Variants in IDS observed in about 807,000 individuals in gnomAD.
IDS encodes the protein iduronate 2-sulfatase.
IDS carries 1 observed loss-of-function variant against 33.5 expected under a neutral mutation model. That is an observed-to-expected ratio of 0.03 (90% CI 0.01 to 0.14). The LOEUF (loss-of-function observed/expected upper bound fraction) is 0.14, where lower values mean the gene tolerates loss of function less well. Ranked by LOEUF, IDS falls within the 10% of genes least tolerant of loss-of-function variation. The pLI, the probability that IDS is intolerant of heterozygous loss-of-function variation, is 1.00. For synonymous variants in IDS, 191 were observed against 184.4 expected (o/e 1.04, Z -0.29); for missense variants, 328 against 448.0 (o/e 0.73, Z 2.42).
chrX:149,484,481 C>G (rs1179496053), intron 8 of IDS, among the ~76,000 whole-genome samples: 13 of 112,140 alleles, frequency 1.2e-4, no homozygotes, highest in African/African-American at 4.2e-4. Context: ...ACCGCCACAC[C>G]CAGCTAATTT....
At chrX:149,494,220 G>C (rs1366898269) in intron 6 of IDS, among the ~76,000 whole-genome samples, 1 of 111,840 alleles carries the variant, frequency 8.9e-6, no homozygotes, top group African/African-American at 3.3e-5. Context: ...AAGGATAAAT[G>C]GACAAGTATG....
chrX:149,502,791 G>C (rs907963366), intron 3 of IDS: 1 of 165,937 alleles, frequency 6.0e-6, no homozygotes, highest in South Asian at 1.4e-4. Context: ...AGGAATGTCC[G>C]TCTCTGGGAC....
At position 149,505,229 on chromosome X, in the gene IDS, T is replaced by C; in HGVS notation, c.-92A>G. The stretch of plus-strand genomic sequence containing the variant: ...CGCCGCCGCAGCCACAGAGACCTCC[T>C]CGTCGGGAACCCATGAAGACTGCGC... On this transcript the variant is annotated 5_prime_UTR_variant, in exon 1 of 9. Coordinates refer to ENST00000340855, the MANE Select transcript of IDS (RefSeq NM_000202.8). 1 of 620,902 alleles carries C rather than the reference T, an allele frequency of 1.6e-6. No homozygotes were observed. Among genetic ancestry groups the C allele is most frequent in the Non-Finnish European group, 2.4e-6 (1 of 409,592 alleles). 51.2% of individuals were successfully genotyped at this position (620,902 alleles called of 1,213,427 possible). A position where few individuals can be genotyped will look rare whatever the true frequency, so the allele number is the denominator to read the frequency against.
chrX:149,483,012 A>G lies in IDS; in HGVS notation c.1387T>C (p.Tyr463His), dbSNP rs1365886210. ...LPGNPRELIA[Y>H]SQYPRPSDIP... ...TCTGAAGGCCGGGGATACTGGCTAT[A>G]GGCAATCAGTTCACGGGGATTACCA... The change falls in exon 9 of 9, where the codon TAT becomes CAT. Residue 463 changes from tyrosine (Y) to histidine (H), a missense_variant. By Grantham distance (83) the Tyr-to-His change is moderately conservative. This residue lies in a region of IDS where 265 missense variants were observed against 339.2 expected (regional missense o/e 0.78). Coordinates refer to ENST00000340855, the MANE Select transcript of IDS (RefSeq NM_000202.8). 8.3e-7 allele frequency: 1 copy of G among 1,210,397 alleles called. No individual in the cohort carries two copies. Among genetic ancestry groups the G allele is most frequent in the Non-Finnish European group, 1.1e-6 (1 of 894,197 alleles).
rs1352041987 is a variant in IDS, at chrX:149,505,087, C to G, written c.51G>C (p.Leu17=). ...ATCCGAGGGCGACGCAGACGGAGCT[C>G]AGAACCAGACCCAGCCAGAGAAGGC... ...GRGLLWLGLV[L]SSVCVALGSE... Residue 17 remains leucine (L), a synonymous_variant, in exon 1 of 9, where the codon CTG becomes CTC. Coordinates refer to ENST00000340855, the MANE Select transcript of IDS (RefSeq NM_000202.8). 2.3e-5 allele frequency: 28 copies of G among 1,204,479 alleles called. No individual in the cohort carries two copies. Among genetic ancestry groups the G allele is most frequent in the Non-Finnish European group, 3.0e-5 (27 of 891,314 alleles).
At position 149,486,915 on chromosome X, in the gene IDS, T is replaced by C. The variant is rs1173314448; in HGVS notation, c.1180+10A>G. ...ACTGTCAAGCAATATCATTTCAGCA[T>C]ATTTTATACCTGGCTCCATCAACTG... On this transcript the variant is annotated intron_variant, in intron 8 of 8. Transcript: ENST00000340855. The C allele has an allele frequency of 5.8e-6, 7 of 1,207,479 alleles. No individual in the cohort carries two copies. Among genetic ancestry groups the C allele is most frequent in the Non-Finnish European group, 7.8e-6 (7 of 892,482 alleles).
At position 149,486,914 on chromosome X, in the gene IDS, A is replaced by C; in HGVS notation, c.1180+11T>G. The C allele has an allele frequency of 8.3e-7, 1 of 1,208,627 alleles. No individual in the cohort carries two copies. The highest frequency in any genetic ancestry group is 1.1e-6 in the Non-Finnish European group (1 of 892,395). On this transcript the variant is annotated intron_variant, in intron 8 of 8. Coordinates refer to ENST00000340855, the MANE Select transcript of IDS (RefSeq NM_000202.8). Reference sequence around the variant, plus strand: ...TACTGTCAAGCAATATCATTTCAGCATATTTTATACCTGGCTCCATCAACT... The same window carrying C: ...TACTGTCAAGCAATATCATTTCAGCCTATTTTATACCTGGCTCCATCAACT...
Position 149,482,977 on chromosome X carries a change from C to T in IDS, c.1422G>A (p.Gln474=), listed in dbSNP as rs1569560371. ...TTAAACTCGGCTTGTCAGAATTCCA[C>T]TGAGGGATGTCTGAAGGCCGGGGAT... The part of the protein sequence containing the change: ...SQYPRPSDIP[Q]WNSDKPSLKD... The change falls in exon 9 of 9, where the codon CAG becomes CAA. Residue 474 remains glutamine, a synonymous_variant. Transcript: ENST00000340855. The T allele has an allele frequency of 1.3e-5, 16 of 1,210,823 alleles. No homozygotes were observed. The East Asian group carries it at 4.4e-4, about 34-fold the overall frequency.
At chrX:149,484,831 A>T (rs114889096) in intron 8 of IDS, among the ~76,000 whole-genome samples, 121 of 112,332 alleles carry the variant, frequency 1.1e-3, no homozygotes, top group African/African-American at 3.6e-3. Context: ...TAGACACTTA[A>T]TTTTTAAGTA....
rs782631274 is a variant in IDS, at chrX:149,484,510, T to G, written c.1181-1292A>C. 2.7e-5 allele frequency among the ~76,000 whole-genome samples: 3 copies of G among 112,264 alleles called. No individual in the cohort carries two copies. In the South Asian group the frequency reaches 1.1e-3, roughly 42 times the overall value. On this transcript the variant is annotated intron_variant, in intron 8 of 8. Transcript: ENST00000340855. ...CTAATTTTTGTATTTTTAGTAGAGA[T>G]GGGGTTTCTCCTTGTTGGCCAGGAT...
chrX:149,503,287 C>T (rs782224993), intron 3 of IDS, 25 bp downstream of exon 3: 26 of 1,206,165 alleles, frequency 2.2e-5, no homozygotes, highest in Non-Finnish European at 2.9e-5. Context: ...CCAAGAGAAC[C>T]CAGACTCTGG....
chrX:149,497,081 AG>A (rs1557339374), intron 5 of IDS, among the ~76,000 whole-genome samples: 1 of 111,979 alleles, frequency 8.9e-6, no homozygotes, highest in Non-Finnish European at 1.9e-5. Flanking sequence ...GCTGCTAACT[AG>A]GGAAGCTCAT....
At chrX:149,498,408 C>T (rs782403884) in intron 4 of IDS, 101 bp from the exon 5 acceptor site, 9 of 648,635 alleles carry the variant, frequency 1.4e-5, no homozygotes, top group South Asian at 1.4e-4. Context: ...CAGCCCTTCA[C>T]GTGTTAGTCA....
At chrX:149,488,749 G>A (rs1274131341) in intron 7 of IDS, among the ~76,000 whole-genome samples, 4 of 111,268 alleles carry the variant, frequency 3.6e-5, no homozygotes, top group Non-Finnish European at 5.7e-5. Flanking sequence ...GCAAATACGG[G>A]GAAGTCTGGC....
chrX:149,486,289 G>A (rs147626971), intron 8 of IDS, among the ~76,000 whole-genome samples: 214 of 111,897 alleles, frequency 1.9e-3, no homozygotes, highest in African/African-American at 6.6e-3. Flanking sequence ...TGTGACGAAT[G>A]GTTGAAGGGC....
intron 1 of IDS, 124 bp downstream of exon 1, chrX:149,504,911 A>C: frequency 4.0e-6 from 2 of 494,616 alleles, no homozygotes; most frequent in Admixed American, 6.3e-5. Context: ...GGATGAAAGA[A>C]GGAATGGTAG....
intron 8 of IDS, among the ~76,000 whole-genome samples, chrX:149,486,338 T>C (rs1020624595): frequency 6.3e-5 from 7 of 111,785 alleles, no homozygotes; most frequent in African/African-American, 2.3e-4. Flanking sequence ...TATTGGTGGA[T>C]GGACAGGGTC....
intron 6 of IDS, among the ~76,000 whole-genome samples, chrX:149,492,912 C>G (rs188086648): frequency 1.7e-3 from 190 of 109,246 alleles, no homozygotes; most frequent in Non-Finnish European, 2.6e-3. Flanking sequence ...GTTGAGGAAC[C>G]CAAGGGTGAC....
intron 8 of IDS, among the ~76,000 whole-genome samples, chrX:149,484,391 A>G (rs1202247780): frequency 1.8e-5 from 2 of 112,447 alleles, no homozygotes; most frequent in East Asian, 2.8e-4. Context: ...ATCTCGGCTC[A>G]GCTCACTGCA....
Sources: gnomAD v4.1 joint callset for allele counts (sites outside exome capture counted in the v4.1 genomes callset) on GRCh38, gnomAD v4.1.1 for gene constraint, gnomAD v4.1.1 regional missense constraint, MANE v1.5 for transcripts, NCBI Gene and HGNC (gene_info 2026-07-23, HGNC 2026-07-21) for gene names.